Variants in LARS2 observed in about 807,000 individuals in gnomAD.
LARS2 encodes leucyl-tRNA synthetase 2, mitochondrial, also known as leucine--tRNA ligase, mitochondrial.
A neutral mutation model predicts 116.6 loss-of-function variants in LARS2; 81 were observed. The observed-to-expected ratio is 0.69, with a 90% CI of 0.58 to 0.84. The LOEUF is 0.84. Among genes scored for constraint, LARS2 ranks in the 40% least tolerant of loss-of-function variants. LARS2 has a pLI of 0.00. For synonymous variants in LARS2, 396 were observed against 407.2 expected (o/e 0.97, Z 0.33); for missense variants, 968 against 1,114.5 (o/e 0.87, Z 1.87).
chr3:45,526,884 G>A (rs1049087645), intron 20 of LARS2, among the ~76,000 whole-genome samples: 4 of 152,170 alleles, frequency 2.6e-5, no homozygotes, highest in Admixed American at 6.6e-5. Flanking sequence ...TGTCCAAAAT[G>A]GGACCTATTC....
chr3:45,548,903 T>C lies in LARS2; in HGVS notation c.*1373T>C, dbSNP rs1409946527. The C allele has an allele frequency of 1.8e-4, 27 of 152,184 alleles. No individual in the cohort carries two copies. Among genetic ancestry groups the C allele is most frequent in the Admixed American group, 1.4e-3 (21 of 15,276 alleles). The allele number at this position is 152,184 out of a possible 1,614,324, so 9.4% of individuals were successfully genotyped here. Reference sequence around the variant, plus strand: ...AATTTCAGAGTTAATTACAAACAGATTGAGGTATTCCATCATCATCGGAAG... The same window carrying C: ...AATTTCAGAGTTAATTACAAACAGACTGAGGTATTCCATCATCATCGGAAG... On this transcript the variant is annotated 3_prime_UTR_variant, in exon 22 of 22. Transcript: ENST00000645846.
At chr3:45,513,285 C>CTCT (rs1700316444) in intron 16 of LARS2, 50 bp downstream of exon 16, 1 of 1,252,326 alleles carries the variant, frequency 8.0e-7, no homozygotes, top group African/African-American at 1.5e-5. Flanking sequence ...AGAGCCAAGG[C>CTCT]CAGGCCTGAG....
chr3:45,525,750 A>G (rs1303776416), intron 20 of LARS2, among the ~76,000 whole-genome samples: 1 of 152,310 alleles, frequency 6.6e-6, no homozygotes, highest in East Asian at 1.9e-4. Flanking sequence ...GCCCCCTCCA[A>G]CAGGTGGCTT....
intron 15 of LARS2, among the ~76,000 whole-genome samples, chr3:45,501,263 C>T (rs1488823215): frequency 6.7e-6 from 1 of 150,260 alleles, no homozygotes; most frequent in Admixed American, 6.7e-5. Flanking sequence ...AATTGTGTAT[C>T]GCTCTTCTAC....
chr3:45,530,429 A>C (rs1157465359), intron 20 of LARS2, among the ~76,000 whole-genome samples: 2 of 152,148 alleles, frequency 1.3e-5, no homozygotes, highest in Non-Finnish European at 1.5e-5. Context: ...CTGAGGCAGG[A>C]GAGTTGCTTG....
chr3:45,414,762 AC>A (rs1698388127), intron 4 of LARS2, among the ~76,000 whole-genome samples: 1 of 151,810 alleles, frequency 6.6e-6, no homozygotes, highest in Non-Finnish European at 1.5e-5. Flanking sequence ...AATAAAACTT[AC>A]CCCAGGTTGA....
chr3:45,538,895 G>A (rs1700750566), intron 20 of LARS2, among the ~76,000 whole-genome samples: 1 of 152,182 alleles, frequency 6.6e-6, no homozygotes, highest in Admixed American at 6.5e-5. Context: ...GTGTCACCGA[G>A]GACACCGCTG....
In LARS2 at chr3:45,491,533, G is replaced by T; in HGVS notation, c.1256G>T (p.Arg419Leu). The stretch of plus-strand genomic sequence containing the variant: ...CCCTGTCAGTTCACAGGTATGACCC[G>T]GCAGGATGCTTTTCTAGCCCTGACT... Reference protein sequence around the residue: ...SSSAEFTGMTRQDAFLALTQK... With the variant: ...SSSAEFTGMTLQDAFLALTQK... The change falls in exon 13 of 22, where the codon CGG becomes CTG. Residue 419 changes from arginine to leucine, a missense_variant. By Grantham distance (102) the Arg-to-Leu change is moderately radical (BLOSUM62 -2). Transcript: ENST00000645846. The T allele has an allele frequency of 6.2e-7, 1 of 1,614,090 alleles. No individual in the cohort carries two copies. The highest frequency in any genetic ancestry group is 8.5e-7 in the Non-Finnish European group (1 of 1,179,992).
chr3:45,547,082 A>G (rs963521321), intron 21 of LARS2, among the ~76,000 whole-genome samples: 4 of 152,242 alleles, frequency 2.6e-5, no homozygotes, highest in African/African-American at 9.6e-5. Context: ...AGTGCTCAGA[A>G]AATGCAAGGC....
intron 7 of LARS2, among the ~76,000 whole-genome samples, chr3:45,457,020 A>G (rs576243596): frequency 1.3e-5 from 2 of 152,358 alleles, no homozygotes; most frequent in South Asian, 4.1e-4. Flanking sequence ...TGTGGAGTTC[A>G]GGGAAACTCA....
chr3:45,461,625 C>T (rs1384339211), intron 8 of LARS2, among the ~76,000 whole-genome samples: 2 of 152,070 alleles, frequency 1.3e-5, no homozygotes, highest in Admixed American at 6.6e-5. Context: ...GAAGGAAGGG[C>T]AAGTGTGGAT....
intron 20 of LARS2, among the ~76,000 whole-genome samples, chr3:45,539,126 A>T (rs1427050601): frequency 1.3e-5 from 2 of 151,666 alleles, no homozygotes; most frequent in African/African-American, 2.4e-5. Context: ...TGACCATGTT[A>T]TTTTTTTTTA....
At chr3:45,489,638 T>C (rs1363690030) in intron 12 of LARS2, among the ~76,000 whole-genome samples, 1 of 152,200 alleles carries the variant, frequency 6.6e-6, no homozygotes, top group Non-Finnish European at 1.5e-5. Flanking sequence ...GATCCCACCC[T>C]AGTCTAATAA....
intron 7 of LARS2, among the ~76,000 whole-genome samples, chr3:45,452,547 A>G (rs556647744): frequency 6.6e-6 from 1 of 152,138 alleles, no homozygotes. Flanking sequence ...CCTGTTGATC[A>G]TGGTGAATGA....
chr3:45,426,475 C>A (rs1698596773), intron 6 of LARS2, among the ~76,000 whole-genome samples: 1 of 152,184 alleles, frequency 6.6e-6, no homozygotes, highest in African/African-American at 2.4e-5. Flanking sequence ...AGAAATTAAC[C>A]TTTTCCTGAA....
At chr3:45,536,613 C>G (rs77157227) in intron 20 of LARS2, among the ~76,000 whole-genome samples, 7,306 of 152,306 alleles carry the variant, frequency 0.048, 182 homozygotes, top group Middle Eastern at 0.085. Flanking sequence ...TGCCCAGCTT[C>G]GGGAGAAAAG....
intron 19 of LARS2, among the ~76,000 whole-genome samples, chr3:45,520,509 C>T (rs1700436356): frequency 6.6e-6 from 1 of 152,120 alleles, no homozygotes; most frequent in Non-Finnish European, 1.5e-5. Flanking sequence ...CCCCTTCTCC[C>T]CCAATATTTT....
chr3:45,511,097 A>G (rs1362400173), intron 15 of LARS2, among the ~76,000 whole-genome samples: 3 of 152,192 alleles, frequency 2.0e-5, no homozygotes, highest in African/African-American at 7.2e-5. Context: ...CACTGGGGAT[A>G]GTTGGCTAGG....
chr3:45,424,735 A>C (rs895520583), intron 6 of LARS2, among the ~76,000 whole-genome samples: 1 of 151,954 alleles, frequency 6.6e-6, no homozygotes, highest in African/African-American at 2.4e-5. Flanking sequence ...TCTCAGTGTC[A>C]ATTTGTTTGC....
Sources: allele counts gnomAD v4.1 joint callset (sites outside exome capture counted in the v4.1 genomes callset), GRCh38; gene constraint gnomAD v4.1.1; transcripts MANE v1.5; gene names NCBI Gene and HGNC (gene_info 2026-07-23, HGNC 2026-07-21).